Variants in POLA1 observed in about 807,000 individuals in gnomAD.
POLA1 encodes DNA polymerase alpha 1, catalytic subunit, also known as DNA polymerase alpha catalytic subunit.
POLA1 carries 15 observed loss-of-function variants against 124.0 expected under a neutral mutation model. The observed-to-expected ratio is 0.12, with a 90% CI of 0.08 to 0.19. The LOEUF (loss-of-function observed/expected upper bound fraction) is 0.19. Ranked by LOEUF, POLA1 falls within the 10% of genes least tolerant of loss-of-function variation. POLA1 has a pLI of 1.00. For missense variants in POLA1, 886 were observed against 1,103.4 expected, an observed-to-expected ratio of 0.80 and a Z score of 2.79; for synonymous variants, 408 against 389.4, an observed-to-expected ratio of 1.05 and a Z score of -0.56.
intron 12 of POLA1, among the ~76,000 whole-genome samples, chrX:24,725,477 C>T (rs934459181): frequency 9.0e-6 from 1 of 110,957 alleles, no homozygotes; most frequent in Non-Finnish European, 1.9e-5. Flanking sequence ...GGATAACAGG[C>T]GTGAGCCACC....
At chrX:24,757,435 A>ATTTTTT (rs1569298336) in intron 26 of POLA1, among the ~76,000 whole-genome samples, 1 of 64,642 alleles carries the variant, frequency 1.5e-5, no homozygotes, top group African/African-American at 1.2e-4. Flanking sequence ...AAAATCTGAA[A>ATTTTTT]CTTTTTTTTT....
intron 35 of POLA1, among the ~76,000 whole-genome samples, chrX:24,922,997 A>G (rs930139625): frequency 8.9e-6 from 1 of 112,047 alleles, no homozygotes; most frequent in African/African-American, 3.2e-5. Flanking sequence ...AGGTTAACCT[A>G]GAAATAATGA....
At chrX:24,905,980 G>T (rs1322352605) in intron 35 of POLA1, among the ~76,000 whole-genome samples, 5 of 112,225 alleles carry the variant, frequency 4.5e-5, no homozygotes. Flanking sequence ...CTGCAAGGAT[G>T]GCCATAATTT....
chrX:24,724,308 C>T, intron 11 of POLA1, 27 bp from the exon 12 acceptor site: 1 of 753,123 alleles, frequency 1.3e-6, no homozygotes, highest in Admixed American at 2.6e-5. Context: ...TTTTTTTTCC[C>T]CTCTGTCCCC....
chrX:24,947,246 C>CTTTTTTTT lies in POLA1; in HGVS notation c.4261+16729_4261+16736dup, dbSNP rs764618354. On this transcript the variant is annotated intron_variant, in intron 36 of 36. Transcript: ENST00000379068. ...CAGCTGGTTGTTTTCCCTGCAGATTCTTTTTTTTTTTTTTTTTTTTTTTTT... is the reference window on the plus strand; with the variant it reads ...CAGCTGGTTGTTTTCCCTGCAGATTCTTTTTTTTTTTTTTTTTTTTTTTTTTTTTTTTT... Among the ~76,000 whole-genome samples the CTTTTTTTT allele has an allele frequency of 1.5e-3, 32 of 21,620 alleles. 9 individuals carry two copies. Among genetic ancestry groups the CTTTTTTTT allele is most frequent in the East Asian group, 7.0e-3 (4 of 569 alleles). 18.8% of individuals were successfully genotyped at this position (21,620 alleles called of 115,157 possible).
At chrX:24,930,682 A>G in intron 36 of POLA1, 133 bp downstream of exon 36, 2 of 479,221 alleles carry the variant, frequency 4.2e-6, no homozygotes, top group Non-Finnish European at 7.3e-6. Flanking sequence ...GGCCTATGTG[A>G]ACACAGGGAT....
chrX:24,992,457 T>C (rs1166700193), intron 36 of POLA1, among the ~76,000 whole-genome samples: 1 of 112,720 alleles, frequency 8.9e-6, no homozygotes, highest in Non-Finnish European at 1.9e-5. Context: ...GAGACAATTA[T>C]GACTGACTGT....
chrX:24,732,266 A>G, intron 15 of POLA1, 104 bp from the exon 16 acceptor site: 3 of 542,833 alleles, frequency 5.5e-6, no homozygotes, highest in Non-Finnish European at 9.4e-6. Flanking sequence ...AACTTTTCAT[A>G]TGTGTTTAAA....
intron 36 of POLA1, among the ~76,000 whole-genome samples, chrX:24,968,444 A>G (rs963597121): frequency 1.8e-4 from 20 of 111,975 alleles, no homozygotes; most frequent in East Asian, 5.6e-4. Flanking sequence ...TCACTCCTGT[A>G]ATCCCAGCAC....
chrX:24,989,117 G>A lies in POLA1; in HGVS notation c.4262-6688G>A, dbSNP rs1235250151. Among the ~76,000 whole-genome samples the A allele has an allele frequency of 6.2e-5, 7 of 112,017 alleles. No individual in the cohort carries two copies. The East Asian group carries it at 1.9e-3, about 31-fold the overall frequency. ...AATGTTATTTCCATAATATGAAGTT[G>A]TGAGGTCATCAAAATCAGACATACC... On this transcript the variant is annotated intron_variant, in intron 36 of 36. Transcript: ENST00000379068.
At chrX:24,738,130 G>A (rs1931397739) in intron 19 of POLA1, among the ~76,000 whole-genome samples, 1 of 100,754 alleles carries the variant, frequency 9.9e-6, no homozygotes, top group Non-Finnish European at 1.9e-5. Flanking sequence ...GGAGAATGGC[G>A]TGAACCCGGG....
chrX:24,903,249 T>A (rs775013112), intron 35 of POLA1, among the ~76,000 whole-genome samples: 1 of 113,177 alleles, frequency 8.8e-6, no homozygotes, highest in South Asian at 3.6e-4. Flanking sequence ...AATTCTCATA[T>A]TCAAAACAAG....
intron 13 of POLA1, among the ~76,000 whole-genome samples, chrX:24,726,265 G>C (rs1057148166): frequency 8.9e-6 from 1 of 112,283 alleles, no homozygotes; most frequent in Non-Finnish European, 1.9e-5. Context: ...CTGCTTTTGA[G>C]TATGCATCTT....
At chrX:24,943,817 G>A (rs1437057500) in intron 36 of POLA1, among the ~76,000 whole-genome samples, 1 of 112,190 alleles carries the variant, frequency 8.9e-6, no homozygotes, top group Admixed American at 9.5e-5. Context: ...TCAGTCATTG[G>A]TGTGAATTAG....
At chrX:24,794,006 C>G (rs965108759) in intron 26 of POLA1, among the ~76,000 whole-genome samples, 4 of 110,035 alleles carry the variant, frequency 3.6e-5, no homozygotes, top group South Asian at 4.0e-4. Context: ...CTCTCTCTCT[C>G]TCTATTGCCC....
At chrX:24,912,877 G>A (rs991238572) in intron 35 of POLA1, among the ~76,000 whole-genome samples, 13 of 112,565 alleles carry the variant, frequency 1.2e-4, no homozygotes, top group African/African-American at 4.2e-4. Context: ...TGGCGCAGAT[G>A]CAAAACAACA....
chrX:24,740,653 A>G (rs1054772391), intron 20 of POLA1, among the ~76,000 whole-genome samples: 1 of 111,111 alleles, frequency 9.0e-6, no homozygotes, highest in Admixed American at 9.6e-5. Context: ...TCTTTCCATC[A>G]TTCTCTCTGA....
chrX:24,868,927 T>C (rs1045133034), intron 34 of POLA1, among the ~76,000 whole-genome samples: 2 of 111,617 alleles, frequency 1.8e-5, no homozygotes, highest in Non-Finnish European at 3.8e-5. Context: ...TGAGTGCTTG[T>C]ATGTGGGAAT....
chrX:24,910,451 G>A (rs2047433268), intron 35 of POLA1, among the ~76,000 whole-genome samples: 1 of 111,270 alleles, frequency 9.0e-6, no homozygotes, highest in African/African-American at 3.3e-5. Context: ...TTAGCATGAA[G>A]CGTTGTTGAA....
Sources: allele counts gnomAD v4.1 joint callset (sites outside exome capture counted in the v4.1 genomes callset), GRCh38; gene constraint gnomAD v4.1.1; transcripts MANE v1.5; gene names NCBI Gene and HGNC (gene_info 2026-07-23, HGNC 2026-07-21).